Variants in RABGGTA observed in about 807,000 individuals in gnomAD.
RABGGTA encodes Rab geranylgeranyltransferase subunit alpha, also known as geranylgeranyl transferase type-2 subunit alpha.
RABGGTA carries 69 observed loss-of-function variants against 83.3 expected under a neutral mutation model. The observed-to-expected ratio is 0.83, with a 90% CI of 0.68 to 1.01. RABGGTA has a LOEUF of 1.01. RABGGTA is among the 50% of genes least tolerant of loss of function. RABGGTA has a pLI of 0.00. For missense variants in RABGGTA, 681 were observed against 712.7 expected (o/e 0.96, Z 0.51); for synonymous variants, 310 against 299.8 (o/e 1.03, Z -0.35).
At position 24,268,455 on chromosome 14, in the gene RABGGTA, T is replaced by G. The variant is rs754231558; in HGVS notation, c.1007-35A>C. On this transcript the variant is annotated intron_variant, in intron 10 of 16. Coordinates refer to ENST00000216840, the MANE Select transcript of RABGGTA (RefSeq NM_182836.3). ...GAGTAGGTGGTTGGAGGGTGCACCC[T>G]TGAGAGGAAAAGAGTGATGGGGGCT... 1.9e-6 allele frequency: 3 copies of G among 1,594,954 alleles called. No homozygotes were observed. The South Asian group carries it at 3.3e-5, about 18-fold the overall frequency.
rs767888496 is a variant in RABGGTA, at chr14:24,271,116, G to C, written c.-1C>G. 6.5e-7 allele frequency: 1 copy of C among 1,548,178 alleles called. No homozygotes were observed. Among genetic ancestry groups the C allele is most frequent in the Non-Finnish European group, 8.7e-7 (1 of 1,147,680 alleles). On this transcript the variant is annotated 5_prime_UTR_variant, in exon 2 of 17. Transcript: ENST00000216840. ...GGGCTGGGCTCAGGGTTCTCACCAT[G>C]GTGCCGGCTCAGGGTTCAAGACAGG...
intron 5 of RABGGTA, 44 bp downstream of exon 5, chr14:24,269,909 G>A (rs1223311028): frequency 2.5e-6 from 4 of 1,597,032 alleles, no homozygotes; most frequent in African/African-American, 1.3e-5. Context: ...GTACCAGAAT[G>A]TGGGCAGGTG....
rs1045938469 is a variant in RABGGTA, at chr14:24,271,129, G to A, written c.-14C>T. The A allele has an allele frequency of 1.9e-6, 3 of 1,539,862 alleles. No individual in the cohort carries two copies. The African/African-American group carries it at 4.1e-5, about 21-fold the overall frequency. On this transcript the variant is annotated 5_prime_UTR_variant, in exon 2 of 17. Transcript: ENST00000216840. Reference sequence around the variant, plus strand: ...GGTTCTCACCATGGTGCCGGCTCAGGGTTCAAGACAGGGGAAGGGTCCAGT... The same window carrying A: ...GGTTCTCACCATGGTGCCGGCTCAGAGTTCAAGACAGGGGAAGGGTCCAGT...
At position 24,266,552 on chromosome 14, in the gene RABGGTA, G is replaced by A. The variant is rs772155352; in HGVS notation, c.1468-35C>T. The stretch of plus-strand genomic sequence containing the variant: ...GGGAGGGCAGGGAGGCAGGACAGGC[G>A]CTGTCAGCCAGGGATGGTTCAGCAA... On this transcript the variant is annotated intron_variant, in intron 15 of 16. Transcript: ENST00000216840. 26 of 1,592,474 alleles carry A rather than the reference G, an allele frequency of 1.6e-5. No individual in the cohort carries two copies. The East Asian group carries it at 2.9e-4, about 18-fold the overall frequency.
chr14:24,270,226 T>TCTATGCCACTAC, intron 4 of RABGGTA, 86 bp from the exon 5 acceptor site: 1 of 1,558,688 alleles, frequency 6.4e-7, no homozygotes, highest in Non-Finnish European at 8.7e-7. Context: ...AGCCCCCTAC[T>TCTATGCCACTAC]ATCCTCCATC....
At position 24,268,549 on chromosome 14, in the gene RABGGTA, G is replaced by C; in HGVS notation, c.971C>G (p.Ala324Gly). The C allele has an allele frequency of 6.2e-7, 1 of 1,614,050 alleles. No homozygotes were observed. Among genetic ancestry groups the C allele is most frequent in the South Asian group, 1.1e-5 (1 of 91,086 alleles). The change falls in exon 10 of 17, where the codon GCA (alanine) becomes GGA (glycine). Residue 324 changes from alanine to glycine, a missense_variant. Transcript: ENST00000216840. ...PQHTFRVIWTAGDVQKECVLL... is the reference protein window; with the variant it reads ...PQHTFRVIWTGGDVQKECVLL... ...CACGCATTCTTTCTGGACATCGCCT[G>C]CTGTCCAAATGACGCGAAATGTATG...
chr14:24,271,475 G>A lies in RABGGTA; in HGVS notation c.-55+12C>T, dbSNP rs1025337649. The stretch of plus-strand genomic sequence containing the variant: ...GCTCCCGGGCACCCCCGCCCCCCGC[G>A]GGCGGACCCACCTGCGCTGGGAGGA... On this transcript the variant is annotated intron_variant, in intron 1 of 16. Transcript: ENST00000216840. The A allele has an allele frequency of 1.5e-5, 3 of 206,362 alleles. No homozygotes were observed. The highest frequency in any genetic ancestry group is 2.9e-5 in the Non-Finnish European group (3 of 103,804). The allele number at this position is 206,362 out of a possible 1,614,324, so 12.8% of individuals were successfully genotyped here.
In RABGGTA at chr14:24,267,764, T is replaced by G. The variant is rs780899246; in HGVS notation, c.1249A>C (p.Met417Leu). 3 of 1,612,454 alleles carry G rather than the reference T, an allele frequency of 1.9e-6. No homozygotes were observed. Among genetic ancestry groups the G allele is most frequent in the Non-Finnish European group, 2.5e-6 (3 of 1,179,806 alleles). The change falls in exon 14 of 17, where the codon ATG becomes CTG. Residue 417 changes from methionine (M) to leucine (L), a missense_variant. By Grantham distance (15) the Met-to-Leu change is conservative (BLOSUM62 2). This residue lies in a region of RABGGTA where 421 missense variants were observed against 418.5 expected (regional missense o/e 1.01). Coordinates refer to ENST00000216840, the MANE Select transcript of RABGGTA (RefSeq NM_182836.3). Reference protein sequence around the residue: ...YFQTLKAVDPMRATYLDDLRS... With the variant: ...YFQTLKAVDPLRATYLDDLRS... ...AGGTCATCCAGATACGTTGCCCGCA[T>G]GGGGTCCACGGCCTGGAGTGGATGA...
In RABGGTA at chr14:24,269,537, C is replaced by T. The variant is rs1195775980; in HGVS notation, c.585G>A (p.Pro195=). The stretch of plus-strand genomic sequence containing the variant: ...GGAGGCGCCCCTGTGGTCCAGAATC[C>T]GGCTGGGGGTGCAGCTGGGGCAAGA... The part of the protein sequence containing the change: ...SCLLPQLHPQ[P]DSGPQGRLPE... The change falls in exon 6 of 17, where the codon CCG becomes CCA. Residue 195 remains proline, a synonymous_variant. Transcript: ENST00000216840. 15 of 1,608,856 alleles carry T rather than the reference C, an allele frequency of 9.3e-6. No homozygotes were observed. Among genetic ancestry groups the T allele is most frequent in the East Asian group, 2.2e-5 (1 of 44,876 alleles).
intron 10 of RABGGTA, 30 bp downstream of exon 10, chr14:24,268,484 G>A (rs1411443315): frequency 6.2e-7 from 1 of 1,613,500 alleles, no homozygotes; most frequent in Admixed American, 1.7e-5. Context: ...GGGGGCTGCT[G>A]CAAGGGGTGG....
intron 16 of RABGGTA, 139 bp downstream of exon 16, chr14:24,266,291 C>T (rs1317313316): frequency 6.6e-6 from 5 of 752,332 alleles, no homozygotes; most frequent in South Asian, 3.3e-5. Flanking sequence ...CCCAGGCTCT[C>T]CCCCTTCAAC....
chr14:24,268,173 T>C lies in RABGGTA; in HGVS notation c.1084A>G (p.Thr362Ala), dbSNP rs565706719. The change falls in exon 12 of 17, where the codon ACA (threonine) becomes GCA (alanine). Residue 362 changes from threonine to alanine, a missense_variant. Around this residue, in one of 5 missense-constraint regions of RABGGTA, gnomAD observed 421 missense variants for 418.5 expected, o/e 1.01. Coordinates refer to ENST00000216840, the MANE Select transcript of RABGGTA (RefSeq NM_182836.3). The stretch of plus-strand genomic sequence containing the variant: ...GATTCCAGCTCAGACTGCAGCACTG[T>C]GGACTTCTCCACTGACAGCTCACAC... ...FRCELSVEKSTVLQSELESCK... is the reference protein window; with the variant it reads ...FRCELSVEKSAVLQSELESCK... 9 of 1,572,360 alleles carry C rather than the reference T, an allele frequency of 5.7e-6. No homozygotes were observed. The South Asian group carries it at 1.0e-4, about 17-fold the overall frequency.
rs1207870010 is a variant in RABGGTA at position 24,267,961 on chromosome 14, G to C, written c.1148-3C>G. ...CAGGATGATGGTAAGCAGGCACCCT[G>C]AGGAGAGGGCAGGGAAAAGGAGGGT... On this transcript the variant is annotated splice_polypyrimidine_tract_variant and splice_region_variant and intron_variant, in intron 12 of 16. Coordinates refer to ENST00000216840, the MANE Select transcript of RABGGTA (RefSeq NM_182836.3). 8.1e-6 allele frequency: 13 copies of C among 1,613,532 alleles called. No individual in the cohort carries two copies. Among genetic ancestry groups the C allele is most frequent in the Non-Finnish European group, 1.1e-5 (13 of 1,179,682 alleles).
intron 1 of RABGGTA, 94 bp downstream of exon 1, chr14:24,271,393 C>A: frequency 2.8e-6 from 1 of 360,912 alleles, no homozygotes; most frequent in Non-Finnish European, 5.0e-6. Context: ...GCCGGGGCAC[C>A]TGGGCGTTGG....
In RABGGTA at chr14:24,266,799, G is replaced by T. The variant is rs1352452817; in HGVS notation, c.1444C>A (p.Leu482Met). The T allele has an allele frequency of 6.2e-7, 1 of 1,613,914 alleles. No homozygotes were observed. The highest frequency in any genetic ancestry group is 8.5e-7 in the Non-Finnish European group (1 of 1,179,776). The change falls in exon 15 of 17, where the codon CTG becomes ATG. Residue 482 changes from leucine (L) to methionine (M), a missense_variant. Transcript: ENST00000216840. ...ACCTCAAGGCAGCGCAGGGCAGCCAGTGCAGGTGGCAGGGTTCGGAGGCGA... is the reference window on the plus strand; with the variant it reads ...ACCTCAAGGCAGCGCAGGGCAGCCATTGCAGGTGGCAGGGTTCGGAGGCGA... ...HNRLRTLPPALAALRCLEVLQ... is the reference protein window; with the variant it reads ...HNRLRTLPPAMAALRCLEVLQ...
Position 24,266,904 on chromosome 14 carries a change from G to A in RABGGTA, c.1354-15C>T, listed in dbSNP as rs1463458006. ...ACTGTCAGATCCTGGGGGGTGAAGGGAGGAAGGAGGTGATGGGCTTCCCAG... is the reference window on the plus strand; with the variant it reads ...ACTGTCAGATCCTGGGGGGTGAAGGAAGGAAGGAGGTGATGGGCTTCCCAG... On this transcript the variant is annotated splice_polypyrimidine_tract_variant and intron_variant, in intron 14 of 16. Transcript: ENST00000216840. 1 of 1,593,600 alleles carries A rather than the reference G, an allele frequency of 6.3e-7. No homozygotes were observed. The highest frequency in any genetic ancestry group is 1.3e-5 in the African/African-American group (1 of 74,398).
At position 24,268,544 on chromosome 14, in the gene RABGGTA, C is replaced by T. The variant is rs1239447901; in HGVS notation, c.976G>A (p.Asp326Asn). The part of the protein sequence containing the change: ...HTFRVIWTAG[D>N]VQKECVLLKG... ...AAAAGCACGCATTCTTTCTGGACAT[C>T]GCCTGCTGTCCAAATGACGCGAAAT... Residue 326 changes from aspartate (D) to asparagine (N), a missense_variant, in exon 10 of 17, where the codon GAT becomes AAT. Physicochemically the swap from Asp to Asn is conservative, Grantham distance 23. Coordinates refer to ENST00000216840, the MANE Select transcript of RABGGTA (RefSeq NM_182836.3). 8.1e-6 allele frequency: 13 copies of T among 1,613,900 alleles called. No individual in the cohort carries two copies. The highest frequency in any genetic ancestry group is 1.3e-5 in the African/African-American group (1 of 74,928).
Position 24,268,637 on chromosome 14 carries a change from A to G in RABGGTA, c.901-18T>C. 6.2e-7 allele frequency: 1 copy of G among 1,612,600 alleles called. No homozygotes were observed. The highest frequency in any genetic ancestry group is 1.1e-5 in the South Asian group (1 of 91,058). ...TCACAGAGCTGGGAGTACTGGGTCA[A>G]GGAAATGCCCCAGCCTAACCACTTT... On this transcript the variant is annotated intron_variant, in intron 9 of 16. Coordinates refer to ENST00000216840, the MANE Select transcript of RABGGTA (RefSeq NM_182836.3).
intron 15 of RABGGTA, 119 bp from the exon 16 acceptor site, chr14:24,266,636 C>G: frequency 8.1e-7 from 1 of 1,237,978 alleles, no homozygotes; most frequent in Non-Finnish European, 1.2e-6. Context: ...GGTCAGGCTG[C>G]GTGATGGAGG....
Sources: gnomAD v4.1 joint callset for allele counts on GRCh38, gnomAD v4.1.1 for gene constraint, gnomAD v4.1.1 regional missense constraint, MANE v1.5 for transcripts, NCBI Gene and HGNC (gene_info 2026-07-23, HGNC 2026-07-21) for gene names.